Variants in PHF20 observed in about 807,000 individuals in gnomAD.
PHF20 encodes PHD finger protein 20.
Under a neutral mutation model 113.5 loss-of-function variants are expected in PHF20, and 23 were observed. The ratio of observed to expected loss-of-function variants is 0.20; its 90% CI spans 0.15 to 0.29. The LOEUF (loss-of-function observed/expected upper bound fraction) is 0.29, where lower values mean the gene tolerates loss of function less well. PHF20 is among the 10% of genes least tolerant of loss of function. The probability of loss-of-function intolerance (pLI) is 1.00; values close to 1 mark genes in which losing one functional copy is unlikely to be tolerated. For missense variants in PHF20, 943 were observed against 1,219.6 expected (o/e 0.77, Z 3.38); for synonymous variants, 434 against 457.3 (o/e 0.95, Z 0.65).
intron 16 of PHF20, among the ~76,000 whole-genome samples, chr20:35,939,926 C>T (rs560148295): frequency 4.6e-5 from 7 of 152,278 alleles, no homozygotes; most frequent in South Asian, 2.1e-4. Flanking sequence ...TATGTCTAAA[C>T]GGTGTTGGGC....
chr20:35,906,379 A>G (rs2055200786), intron 10 of PHF20, among the ~76,000 whole-genome samples: 1 of 152,230 alleles, frequency 6.6e-6, no homozygotes, highest in Non-Finnish European at 1.5e-5. Context: ...CTCAGGATGA[A>G]CTGCAAGTTA....
chr20:35,781,133 A>G (rs1159297941), intron 1 of PHF20, among the ~76,000 whole-genome samples: 1 of 150,882 alleles, frequency 6.6e-6, no homozygotes, highest in Non-Finnish European at 1.5e-5. Context: ...TACAGGCGTG[A>G]GCAAGATTTT....
chr20:35,868,168 C>T (rs1416659541), intron 6 of PHF20, among the ~76,000 whole-genome samples: 2 of 152,092 alleles, frequency 1.3e-5, no homozygotes, highest in Non-Finnish European at 1.5e-5. Context: ...TGGCGCATGC[C>T]TGTAATCCCA....
intron 2 of PHF20, among the ~76,000 whole-genome samples, chr20:35,828,758 T>C (rs1310612403): frequency 6.6e-6 from 1 of 152,182 alleles, no homozygotes; most frequent in East Asian, 1.9e-4. Context: ...GCTTATCTTG[T>C]AGCTTAGAGC....
intron 15 of PHF20, among the ~76,000 whole-genome samples, chr20:35,934,863 A>C (rs1433305102): frequency 6.6e-6 from 1 of 152,238 alleles, no homozygotes; most frequent in Non-Finnish European, 1.5e-5. Context: ...CTATTTCCTC[A>C]CATTTCATAA....
chr20:35,845,770 A>G (rs927783078), intron 3 of PHF20, among the ~76,000 whole-genome samples: 3 of 130,274 alleles, frequency 2.3e-5, no homozygotes, highest in African/African-American at 8.7e-5. Flanking sequence ...CCTGCCTTCT[A>G]TTTTTCTTTC....
At chr20:35,913,413 C>T (rs1004756542) in intron 11 of PHF20, 66 bp downstream of exon 11, 2 of 1,081,670 alleles carry the variant, frequency 1.8e-6, no homozygotes, top group Non-Finnish European at 2.8e-6. Flanking sequence ...GTTGCTTTCT[C>T]CCATTATGGC....
chr20:35,947,198 A>G (rs760868629), intron 17 of PHF20, among the ~76,000 whole-genome samples: 1 of 152,212 alleles, frequency 6.6e-6, no homozygotes, highest in Non-Finnish European at 1.5e-5. Flanking sequence ...GCTAGTGGCT[A>G]CTGTATTGGA....
intron 5 of PHF20, among the ~76,000 whole-genome samples, chr20:35,862,103 A>G (rs2054228238): frequency 6.6e-6 from 1 of 152,206 alleles, no homozygotes; most frequent in Non-Finnish European, 1.5e-5. Flanking sequence ...AAAGAATGTA[A>G]TTTAGGGAGA....
intron 1 of PHF20, among the ~76,000 whole-genome samples, chr20:35,791,441 GTATCTATCTATCTATCTATCTATC>G (rs72192292): frequency 2.6e-3 from 337 of 131,372 alleles, no homozygotes; most frequent in African/African-American, 7.3e-3. Flanking sequence ...TACCAGAATA[GTATCTATCTATCTATCTATCTATC>G]TATCTATCTA....
At chr20:35,779,682 G>A (rs2041247631) in intron 1 of PHF20, among the ~76,000 whole-genome samples, 1 of 151,784 alleles carries the variant, frequency 6.6e-6, no homozygotes, top group Admixed American at 6.6e-5. Context: ...ACCATGCCTG[G>A]GTAATTTTTT....
intron 4 of PHF20, chr20:35,855,650 A>G (rs2042813706): frequency 6.6e-6 from 1 of 152,094 alleles, no homozygotes; most frequent in Non-Finnish European, 1.5e-5. Context: ...GTTACAAACA[A>G]TCCAATTATG....
At chr20:35,864,508 C>T (rs939176647) in intron 6 of PHF20, among the ~76,000 whole-genome samples, 2 of 151,608 alleles carry the variant, frequency 1.3e-5, no homozygotes, top group Non-Finnish European at 2.9e-5. Flanking sequence ...TATTCCCTAA[C>T]GATGTAGAGA....
chr20:35,812,788 G>C (rs1273870260), intron 2 of PHF20, among the ~76,000 whole-genome samples: 1 of 151,900 alleles, frequency 6.6e-6, no homozygotes, highest in East Asian at 1.9e-4. Flanking sequence ...ATAATCTGTG[G>C]GGATACTCTG....
intron 1 of PHF20, among the ~76,000 whole-genome samples, chr20:35,798,132 G>C (rs2041704638): frequency 6.6e-6 from 1 of 152,140 alleles, no homozygotes; most frequent in African/African-American, 2.4e-5. Flanking sequence ...AGAATCAGTG[G>C]CTGGGTACCA....
At chr20:35,834,679 G>A (rs6060632) in intron 2 of PHF20, among the ~76,000 whole-genome samples, 14,957 of 152,048 alleles carry the variant, frequency 0.098, 759 homozygotes, top group South Asian at 0.15. Flanking sequence ...CACCCTAGGG[G>A]CTCTGATGAT....
chr20:35,823,632 CAAAA>C (rs34177764), intron 2 of PHF20, among the ~76,000 whole-genome samples: 136 of 53,728 alleles, frequency 2.5e-3, no homozygotes, highest in African/African-American at 7.7e-3. Context: ...GACCCTGTCT[CAAAA>C]AAAAAAAAAA....
chr20:35,950,100 A>C lies in PHF20; in HGVS notation c.*2473A>C, dbSNP rs1025781327. The C allele has an allele frequency of 6.6e-6, 1 of 152,638 alleles. No homozygotes were observed. Among genetic ancestry groups the C allele is most frequent in the Admixed American group, 6.5e-5 (1 of 15,274 alleles). The allele number at this position is 152,638 out of a possible 1,614,324, so 9.5% of individuals were successfully genotyped here. ...AAGAAAGAAATATGTGCACTACCTA[A>C]GTTTTGTCTTTAGAAAAACTATCCA... On this transcript the variant is annotated 3_prime_UTR_variant, in exon 18 of 18. Transcript: ENST00000374012.
In PHF20 at chr20:35,939,108, G is replaced by T; in HGVS notation, c.2712G>T (p.Lys904Asn). 1.9e-6 allele frequency: 3 copies of T among 1,595,276 alleles called. No homozygotes were observed. The highest frequency in any genetic ancestry group is 2.6e-6 in the Non-Finnish European group (3 of 1,169,960). The change falls in exon 16 of 18, where the codon AAG becomes AAT. Residue 904 changes from lysine to asparagine, a missense_variant and splice_region_variant. Lys to Asn is a moderately conservative substitution (Grantham distance 94). Transcript: ENST00000374012. ...GDSDPKPGSP[K>N]VKEYVSKKAL... ...GTGACCCCAAACCCGGCTCCCCAAAGGTATGTGGCTGCCTTGTACTTGTTC... is the reference window on the plus strand; with the variant it reads ...GTGACCCCAAACCCGGCTCCCCAAATGTATGTGGCTGCCTTGTACTTGTTC...
Sources: gnomAD v4.1 joint callset for allele counts (sites outside exome capture counted in the v4.1 genomes callset) on GRCh38, gnomAD v4.1.1 for gene constraint, MANE v1.5 for transcripts, NCBI Gene and HGNC (gene_info 2026-07-23, HGNC 2026-07-21) for gene names.